The following RABGAP1L variants were observed in gnomAD, a reference collection of about 807,000 sequenced individuals.
The protein encoded by RABGAP1L is rab GTPase-activating protein 1-like.
A neutral mutation model predicts 137.7 loss-of-function variants in RABGAP1L; 63 were observed. The ratio of observed to expected loss-of-function variants is 0.46; its 90% CI spans 0.37 to 0.56. The LOEUF is 0.56. Among genes scored for constraint, RABGAP1L ranks in the 20% least tolerant of loss-of-function variants. The pLI, the probability that RABGAP1L is intolerant of heterozygous loss-of-function variation, is 0.00. For synonymous variants in RABGAP1L, 431 were observed against 433.7 expected (o/e 0.99, Z 0.08); for missense variants, 1,095 against 1,244.0 (o/e 0.88, Z 1.80).
At chr1:174,314,330 G>T (rs984271060) in intron 11 of RABGAP1L, among the ~76,000 whole-genome samples, 4 of 152,048 alleles carry the variant, frequency 2.6e-5, no homozygotes, top group African/African-American at 9.7e-5. Flanking sequence ...ATGATCCTTT[G>T]AATTTCTGCC....
At chr1:174,725,534 A>T (rs1436032832) in intron 17 of RABGAP1L, among the ~76,000 whole-genome samples, 1 of 152,168 alleles carries the variant, frequency 6.6e-6, no homozygotes, top group Non-Finnish European at 1.5e-5. Flanking sequence ...GAAAGAATTC[A>T]TGTATAACTT....
intron 23 of RABGAP1L, among the ~76,000 whole-genome samples, chr1:174,979,858 T>G (rs1339315148): frequency 2.0e-5 from 3 of 152,224 alleles, no homozygotes. Context: ...CCCTGAGTTA[T>G]CTGTTCAAAT....
At chr1:174,289,998 T>G (rs1358765617) in intron 10 of RABGAP1L, among the ~76,000 whole-genome samples, 1 of 152,296 alleles carries the variant, frequency 6.6e-6, no homozygotes, top group East Asian at 1.9e-4. Flanking sequence ...TTGGCTAGGC[T>G]CCCTGGTTGG....
In RABGAP1L at chr1:174,172,212, GTGTGTA is replaced by G. The variant is rs1265641713; in HGVS notation, c.-34+12557_-34+12562del. Among the ~76,000 whole-genome samples, 81 of 119,674 alleles carry G rather than the reference GTGTGTA, an allele frequency of 6.8e-4. No individual in the cohort carries two copies. In the Middle Eastern group the frequency reaches 0.013, roughly 19 times the overall value. 78.5% of individuals were successfully genotyped at this position (119,674 alleles called of 152,430 possible). A position where few individuals can be genotyped will look rare whatever the true frequency, so the allele number is the denominator to read the frequency against. On this transcript the variant is annotated intron_variant, in intron 1 of 25. Transcript: ENST00000681986. ...TGTGTGTGTGTGTGTGTGTGTGTGT[GTGTGTA>G]TATATGCCACAAATTCTTTATCTGT...
intron 12 of RABGAP1L, among the ~76,000 whole-genome samples, chr1:174,392,792 G>A (rs532627590): frequency 1.4e-4 from 21 of 152,212 alleles, no homozygotes; most frequent in African/African-American, 4.8e-4. Context: ...ATAGACATGT[G>A]GATTCTATGA....
chr1:174,715,951 C>A (rs1215396985), intron 17 of RABGAP1L, among the ~76,000 whole-genome samples: 1 of 152,114 alleles, frequency 6.6e-6, no homozygotes, highest in Admixed American at 6.5e-5. Context: ...TTCCCCTCAT[C>A]CCCCACAGAT....
intron 3 of RABGAP1L, among the ~76,000 whole-genome samples, chr1:174,226,739 T>A (rs1670210869): frequency 6.6e-6 from 1 of 152,058 alleles, no homozygotes; most frequent in Non-Finnish European, 1.5e-5. Flanking sequence ...TTTCTTATGA[T>A]TAGTATTTGC....
At chr1:174,891,616 C>T (rs193082300) in intron 19 of RABGAP1L, among the ~76,000 whole-genome samples, 16 of 152,236 alleles carry the variant, frequency 1.1e-4, no homozygotes, top group African/African-American at 3.6e-4. Flanking sequence ...ATCCTCCCAC[C>T]TCACCCTCCC....
chr1:174,852,927 A>G (rs530562904), intron 19 of RABGAP1L, among the ~76,000 whole-genome samples: 152 of 152,302 alleles, frequency 1.0e-3, no homozygotes, highest in African/African-American at 3.6e-3. Flanking sequence ...CTATATTGTT[A>G]GGATAATCAA....
Position 174,792,372 on chromosome 1 carries a change from G to A in RABGAP1L, c.2212-19460G>A, listed in dbSNP as rs146157444. Among the ~76,000 whole-genome samples, 588 of 152,316 alleles carry A rather than the reference G, an allele frequency of 3.9e-3. 15 individuals carry two copies. The highest frequency in any genetic ancestry group is 0.033 in the Admixed American group (499 of 15,296). On this transcript the variant is annotated intron_variant, in intron 18 of 25. Transcript: ENST00000681986. The stretch of plus-strand genomic sequence containing the variant: ...GAATGGTCCAGAAACCACCTCATAG[G>A]AGACCCAGTTTGCAGCAGGGATGAT...
At chr1:174,633,686 A>G (rs1186904058) in intron 13 of RABGAP1L, among the ~76,000 whole-genome samples, 3 of 125,504 alleles carry the variant, frequency 2.4e-5, no homozygotes, top group East Asian at 4.2e-4. Context: ...CAAAACAGAG[A>G]TATAGATCAA....
intron 19 of RABGAP1L, among the ~76,000 whole-genome samples, chr1:174,931,229 G>T (rs1305683305): frequency 6.6e-6 from 1 of 152,058 alleles, no homozygotes; most frequent in Non-Finnish European, 1.5e-5. Context: ...TATTTAAAAG[G>T]CAAAGCTGAT....
At chr1:174,817,693 G>C (rs1407616196) in intron 19 of RABGAP1L, among the ~76,000 whole-genome samples, 6 of 152,190 alleles carry the variant, frequency 3.9e-5, no homozygotes, top group Non-Finnish European at 1.5e-5. Flanking sequence ...TTGTTAGGAA[G>C]GTCATTCTGG....
At chr1:174,200,717 T>C (rs1314454154) in intron 1 of RABGAP1L, among the ~76,000 whole-genome samples, 2 of 152,252 alleles carry the variant, frequency 1.3e-5, no homozygotes, top group Non-Finnish European at 2.9e-5. Context: ...CCTGCTATAT[T>C]TGTTTTCTAG....
At chr1:174,827,674 T>C (rs1691721923) in intron 19 of RABGAP1L, among the ~76,000 whole-genome samples, 2 of 31,142 alleles carry the variant, frequency 6.4e-5, no homozygotes. Context: ...ATCTAAAAGA[T>C]CCTATTTTTT....
intron 1 of RABGAP1L, among the ~76,000 whole-genome samples, chr1:174,168,578 A>G (rs1311733051): frequency 6.6e-6 from 1 of 152,160 alleles, no homozygotes; most frequent in Non-Finnish European, 1.5e-5. Flanking sequence ...CTGCGCAAAG[A>G]TCTATTACCA....
intron 19 of RABGAP1L, among the ~76,000 whole-genome samples, chr1:174,844,003 T>A (rs1489368994): frequency 2.7e-5 from 4 of 145,600 alleles, no homozygotes; most frequent in Non-Finnish European, 4.6e-5. Flanking sequence ...TTTTCATGTG[T>A]TTTTTGGCTG....
At chr1:174,930,408 C>T (rs1663597199) in intron 19 of RABGAP1L, among the ~76,000 whole-genome samples, 3 of 151,534 alleles carry the variant, frequency 2.0e-5, no homozygotes, top group African/African-American at 7.3e-5. Flanking sequence ...ATCTTGGCTT[C>T]CTGGGCTCAA....
chr1:174,719,589 T>C (rs1269059301), intron 17 of RABGAP1L, among the ~76,000 whole-genome samples: 1 of 152,234 alleles, frequency 6.6e-6, no homozygotes, highest in Non-Finnish European at 1.5e-5. Context: ...AAGATTTATT[T>C]AGGTCAGATA....
Sources: gnomAD v4.1 joint callset for allele counts (sites outside exome capture counted in the v4.1 genomes callset) on GRCh38, gnomAD v4.1.1 for gene constraint, MANE v1.5 for transcripts, NCBI Gene and HGNC (gene_info 2026-07-23, HGNC 2026-07-21) for gene names.